FNIP1: variants seen among roughly 807,000 people sequenced by gnomAD.
The protein encoded by FNIP1 is folliculin-interacting protein 1.
A neutral mutation model predicts 124.5 loss-of-function variants in FNIP1; 40 were observed. The observed-to-expected ratio is 0.32, with a 90% confidence interval of 0.25 to 0.42. The LOEUF (loss-of-function observed/expected upper bound fraction) is 0.42. Among genes scored for constraint, FNIP1 ranks in the 10% least tolerant of loss-of-function variants. FNIP1 has a pLI of 1.00. For missense variants in FNIP1, 1,176 were observed against 1,403.7 expected (o/e 0.84, Z 2.59); for synonymous variants, 472 against 470.6 (o/e 1.00, Z -0.04).
chr5:131,713,360 A>C (rs984791741), intron 6 of FNIP1, among the ~76,000 whole-genome samples: 1 of 152,004 alleles, frequency 6.6e-6, no homozygotes, highest in Admixed American at 6.6e-5. Context: ...ACCCCTTCTT[A>C]AAGCCAGCAT....
At chr5:131,664,652 A>AAAG (rs1767540292) in intron 15 of FNIP1, among the ~76,000 whole-genome samples, 1 of 151,138 alleles carries the variant, frequency 6.6e-6, no homozygotes, top group African/African-American at 2.4e-5. Context: ...AAAAAAAAAA[A>AAAG]AAAGAGCAAT....
At position 131,643,443 on chromosome 5, in the gene FNIP1, A is replaced by G. The variant is rs1374841640; in HGVS notation, c.*1242T>C. 1 of 152,760 alleles carries G rather than the reference A, an allele frequency of 6.5e-6. No homozygotes were observed. Among genetic ancestry groups the G allele is most frequent in the East Asian group, 1.9e-4 (1 of 5,340 alleles). The allele number at this position is 152,760 out of a possible 1,614,324, so 9.5% of individuals were successfully genotyped here. On this transcript the variant is annotated 3_prime_UTR_variant, in exon 18 of 18. Transcript: ENST00000510461. The stretch of plus-strand genomic sequence containing the variant: ...CTTAGACCAGATAAGCAAAGAATAA[A>G]CTATAATGTAGTACTCAAGTAAACT...
At chr5:131,722,563 C>T (rs1311557406) in intron 3 of FNIP1, among the ~76,000 whole-genome samples, 1 of 152,184 alleles carries the variant, frequency 6.6e-6, no homozygotes, top group Admixed American at 6.5e-5. Context: ...TATCTCTTTA[C>T]TACCTATCTT....
intron 2 of FNIP1, among the ~76,000 whole-genome samples, chr5:131,744,025 G>A (rs1457754237): frequency 6.6e-6 from 1 of 152,122 alleles, no homozygotes; most frequent in Non-Finnish European, 1.5e-5. Flanking sequence ...CCCAGAAAAG[G>A]TATGCAGGGA....
chr5:131,785,282 C>T (rs140871407), intron 1 of FNIP1, among the ~76,000 whole-genome samples: 76 of 151,532 alleles, frequency 5.0e-4, no homozygotes, highest in African/African-American at 1.8e-3. Context: ...AGGCCGGGCA[C>T]AGTGGCTCAC....
chr5:131,705,275 C>A (rs1421199928), intron 9 of FNIP1, among the ~76,000 whole-genome samples: 1 of 151,422 alleles, frequency 6.6e-6, no homozygotes, highest in Non-Finnish European at 1.5e-5. Context: ...GTTCTACTAA[C>A]CTGGGCAACA....
intron 17 of FNIP1, among the ~76,000 whole-genome samples, chr5:131,646,597 C>T (rs1766889144): frequency 6.6e-6 from 1 of 152,166 alleles, no homozygotes; most frequent in Admixed American, 6.5e-5. Flanking sequence ...GCCCCCCCTA[C>T]CAACTTCCCA....
At chr5:131,735,336 C>G (rs1770252879) in intron 2 of FNIP1, among the ~76,000 whole-genome samples, 1 of 151,904 alleles carries the variant, frequency 6.6e-6, no homozygotes, top group Non-Finnish European at 1.5e-5. Context: ...GGAGGAACAG[C>G]ATTAGGAGAT....
rs1474742147 is a variant in FNIP1, at chr5:131,677,728, T to C, written c.1494A>G (p.Pro498=). Residue 498 remains proline, a synonymous_variant, in exon 13 of 18, where the codon CCA becomes CCG. Transcript: ENST00000510461. Reference sequence around the variant, plus strand: ...CCAGTTGTGCCCAAAGTGGGTTATATGGATGAGTCTTTGCCAACATGTCCA... The same window carrying C: ...CCAGTTGTGCCCAAAGTGGGTTATACGGATGAGTCTTTGCCAACATGTCCA... ...QSVDMLAKTH[P]YNPLWAQLGD... 1.9e-6 allele frequency: 3 copies of C among 1,613,974 alleles called. No individual in the cohort carries two copies. The Admixed American group carries it at 5.0e-5, about 27-fold the overall frequency.
chr5:131,704,595 C>T (rs968764997), intron 9 of FNIP1, among the ~76,000 whole-genome samples: 1 of 152,214 alleles, frequency 6.6e-6, no homozygotes, highest in South Asian at 2.1e-4. Flanking sequence ...CAATCTTTTC[C>T]CTGTTCTAGG....
In FNIP1 at chr5:131,733,320, T is replaced by A. The variant is rs750798368; in HGVS notation, c.220-2282A>T. On this transcript the variant is annotated intron_variant, in intron 2 of 17. Coordinates refer to ENST00000510461, the MANE Select transcript of FNIP1 (RefSeq NM_133372.3). ...CTTTTCCTAAATGAATACCCTTTAT[T>A]TCTTTCTCCTGCCTGATTGCCCTGG... Among the ~76,000 whole-genome samples, 19 of 152,282 alleles carry A rather than the reference T, an allele frequency of 1.2e-4. 1 individual carries two copies. The South Asian group carries it at 1.4e-3, about 12-fold the overall frequency.
Position 131,718,976 on chromosome 5 carries a change from A to G in FNIP1, c.530+10T>C, listed in dbSNP as rs1580782312. 3 of 1,610,454 alleles carry G rather than the reference A, an allele frequency of 1.9e-6. No homozygotes were observed. On this transcript the variant is annotated intron_variant, in intron 5 of 17. Transcript: ENST00000510461. ...GTGATACATTTCCCCCTGTATCCAT[A>G]AGCACTTACGTATTGAGACTCCCAC...
intron 1 of FNIP1, among the ~76,000 whole-genome samples, chr5:131,788,843 A>G (rs1772306615): frequency 6.6e-6 from 1 of 152,186 alleles, no homozygotes; most frequent in Admixed American, 6.5e-5. Flanking sequence ...AAAATTAACA[A>G]CCAAAATTAT....
intron 1 of FNIP1, among the ~76,000 whole-genome samples, chr5:131,760,369 A>G (rs1007987031): frequency 3.9e-5 from 6 of 152,156 alleles, no homozygotes; most frequent in Non-Finnish European, 8.8e-5. Context: ...AAAAATTGTC[A>G]CCTATAAGGA....
intron 15 of FNIP1, among the ~76,000 whole-genome samples, chr5:131,654,122 A>G (rs1189890351): frequency 6.6e-6 from 1 of 152,242 alleles, no homozygotes; most frequent in East Asian, 1.9e-4. Flanking sequence ...TTTGACTCAT[A>G]TATACATAGT....
At chr5:131,770,779 C>A (rs1378264451) in intron 1 of FNIP1, among the ~76,000 whole-genome samples, 1 of 152,118 alleles carries the variant, frequency 6.6e-6, no homozygotes, top group Non-Finnish European at 1.5e-5. Context: ...GTGCATCACA[C>A]ACATCAAGAT....
chr5:131,767,891 TCTAA>T (rs1030785222), intron 1 of FNIP1, among the ~76,000 whole-genome samples: 15 of 152,320 alleles, frequency 9.8e-5, no homozygotes, highest in African/African-American at 3.4e-4. Flanking sequence ...ATTATTTTTC[TCTAA>T]CTACATCTTA....
chr5:131,699,484 C>T (rs558596675), intron 10 of FNIP1, among the ~76,000 whole-genome samples: 6 of 151,392 alleles, frequency 4.0e-5, no homozygotes, highest in Admixed American at 1.3e-4. Flanking sequence ...ACCTCTGCCA[C>T]CCGGGTTCAA....
chr5:131,796,661 C>T (rs1358319820), intron 1 of FNIP1, 169 bp downstream of exon 1: 9 of 626,172 alleles, frequency 1.4e-5, no homozygotes, highest in Non-Finnish European at 2.2e-5. Flanking sequence ...TAGGACCTCG[C>T]TCCAACCCTT....
Sources: allele counts gnomAD v4.1 joint callset (sites outside exome capture counted in the v4.1 genomes callset), GRCh38; gene constraint gnomAD v4.1.1; transcripts MANE v1.5; gene names NCBI Gene and HGNC (gene_info 2026-07-23, HGNC 2026-07-21).